Variants in WASL observed in about 807,000 individuals in gnomAD.
The protein encoded by WASL is actin nucleation-promoting factor WASL.
A neutral mutation model predicts 55.5 loss-of-function variants in WASL; 20 were observed. The ratio of observed to expected loss-of-function variants is 0.36; its 90% CI spans 0.25 to 0.52. WASL has a LOEUF of 0.52. WASL is among the 20% of genes least tolerant of loss of function. WASL has a pLI of 0.92. For synonymous variants in WASL, 249 were observed against 217.6 expected (o/e 1.14, Z -1.27); for missense variants, 504 against 622.5 (o/e 0.81, Z 2.03).
chr7:123,734,694 T>C (rs912169206), intron 1 of WASL, among the ~76,000 whole-genome samples: 5 of 151,776 alleles, frequency 3.3e-5, no homozygotes, highest in Non-Finnish European at 7.4e-5. Flanking sequence ...AGTTAAACTA[T>C]TCTGGTATGA....
chr7:123,748,357 G>C (rs947522362), intron 1 of WASL, among the ~76,000 whole-genome samples: 2 of 152,122 alleles, frequency 1.3e-5, no homozygotes, highest in African/African-American at 4.8e-5. Context: ...GCGGGCCGAG[G>C]CCCGGCCAGG....
At chr7:123,743,240 GGGA>G (rs1290483261) in intron 1 of WASL, among the ~76,000 whole-genome samples, 3 of 152,026 alleles carry the variant, frequency 2.0e-5, no homozygotes, top group African/African-American at 7.3e-5. Context: ...GGGAGGCTGA[GGGA>G]GGAGAATAAC....
At position 123,700,503 on chromosome 7, in the gene WASL, C is replaced by T. The variant is rs553660288; in HGVS notation, c.461-3756G>A. On this transcript the variant is annotated intron_variant, in intron 5 of 10. Coordinates refer to ENST00000223023, the MANE Select transcript of WASL (RefSeq NM_003941.4). ...TCGCCCAGGCTGGAGTGCAATGGCG[C>T]CATCTCGGCTCACTGCAACCTTCAC... is the stretch of plus-strand genomic sequence containing the variant. 8.4e-4 allele frequency among the ~76,000 whole-genome samples: 127 copies of T among 151,936 alleles called. 1 individual carries two copies. The highest frequency in any genetic ancestry group is 7.9e-3 in the South Asian group (38 of 4,802).
chr7:123,727,568 G>T (rs761817327), intron 1 of WASL, among the ~76,000 whole-genome samples: 11 of 152,166 alleles, frequency 7.2e-5, no homozygotes, highest in Non-Finnish European at 1.3e-4. Context: ...CGTATATACT[G>T]AGTGAAGAGG....
At chr7:123,741,839 C>T (rs1462691604) in intron 1 of WASL, among the ~76,000 whole-genome samples, 1 of 152,086 alleles carries the variant, frequency 6.6e-6, no homozygotes, top group Non-Finnish European at 1.5e-5. Flanking sequence ...ACAAATAGAA[C>T]CCGGCTCCTC....
At chr7:123,737,324 G>A (rs1430673398) in intron 1 of WASL, among the ~76,000 whole-genome samples, 1 of 152,084 alleles carries the variant, frequency 6.6e-6, no homozygotes, top group Non-Finnish European at 1.5e-5. Context: ...TCAGACAGGC[G>A]CGGTGGCTCA....
chr7:123,725,668 T>A (rs568261146), intron 1 of WASL, among the ~76,000 whole-genome samples: 1 of 152,290 alleles, frequency 6.6e-6, no homozygotes, highest in East Asian at 1.9e-4. Flanking sequence ...AGGAACTAAG[T>A]TCATACATGA....
At chr7:123,740,347 C>A (rs1804318098) in intron 1 of WASL, among the ~76,000 whole-genome samples, 1 of 151,994 alleles carries the variant, frequency 6.6e-6, no homozygotes, top group Non-Finnish European at 1.5e-5. Context: ...TGCATTAACT[C>A]CTATGAGAAA....
chr7:123,703,415 T>C (rs1803621268), intron 5 of WASL, among the ~76,000 whole-genome samples: 4 of 152,220 alleles, frequency 2.6e-5, no homozygotes, highest in Admixed American at 2.6e-4. Context: ...TAGTAGTTGC[T>C]ATTATTGTTG....
In WASL at chr7:123,684,448, C is replaced by A; in HGVS notation, c.*71G>T. ...GTAGAACATTTACATGATAATTTTA[C>A]AGAATCCACAGACAGAAAGTAGTGT... On this transcript the variant is annotated 3_prime_UTR_variant, in exon 11 of 11. Transcript: ENST00000223023. The A allele has an allele frequency of 2.0e-6, 1 of 493,374 alleles. No individual in the cohort carries two copies. Among genetic ancestry groups the A allele is most frequent in the Non-Finnish European group, 3.5e-6 (1 of 282,794 alleles). 30.6% of individuals were successfully genotyped at this position (493,374 alleles called of 1,614,324 possible).
At chr7:123,701,647 T>C (rs1332658129) in intron 5 of WASL, among the ~76,000 whole-genome samples, 2 of 152,212 alleles carry the variant, frequency 1.3e-5, no homozygotes, top group Non-Finnish European at 1.5e-5. Context: ...AATAAGGATC[T>C]GAGACAAAGC....
At chr7:123,737,237 T>C (rs918813682) in intron 1 of WASL, among the ~76,000 whole-genome samples, 3 of 152,212 alleles carry the variant, frequency 2.0e-5, no homozygotes, top group Non-Finnish European at 4.4e-5. Context: ...CTGGGCCACA[T>C]GCAGCCCATG....
At chr7:123,719,540 T>G (rs986040459) in intron 1 of WASL, among the ~76,000 whole-genome samples, 1 of 152,194 alleles carries the variant, frequency 6.6e-6, no homozygotes, top group African/African-American at 2.4e-5. Flanking sequence ...CCAGGACACA[T>G]AGCCCTTCTG....
chr7:123,748,258 G>C (rs569601758), intron 1 of WASL, among the ~76,000 whole-genome samples: 10 of 152,086 alleles, frequency 6.6e-5, no homozygotes, highest in East Asian at 2.0e-4. Context: ...GCGAGAGCTA[G>C]AACAAGGGCC....
At chr7:123,714,501 C>CA (rs1448209822) in intron 1 of WASL, among the ~76,000 whole-genome samples, 1 of 152,176 alleles carries the variant, frequency 6.6e-6, no homozygotes, top group East Asian at 1.9e-4. Flanking sequence ...AGAATCTCAA[C>CA]AGTGAAGAAA....
intron 8 of WASL, 102 bp downstream of exon 8, chr7:123,694,612 CT>C (rs371583425): frequency 3.3e-5 from 40 of 1,222,606 alleles, no homozygotes; most frequent in Non-Finnish European, 4.4e-5. Flanking sequence ...CTTCAACATT[CT>C]GCTCAAGGAA....
chr7:123,733,216 T>C (rs144843651), intron 1 of WASL, among the ~76,000 whole-genome samples: 10 of 152,316 alleles, frequency 6.6e-5, no homozygotes, highest in African/African-American at 2.2e-4. Context: ...AAAACTGTCT[T>C]TGTTTGCAGA....
chr7:123,700,743 T>C (rs1803575738), intron 5 of WASL, among the ~76,000 whole-genome samples: 1 of 152,204 alleles, frequency 6.6e-6, no homozygotes, highest in African/African-American at 2.4e-5. Flanking sequence ...CGGCCAACTA[T>C]TCTACCTCTT....
At chr7:123,719,920 A>G (rs1803909646) in intron 1 of WASL, among the ~76,000 whole-genome samples, 1 of 152,178 alleles carries the variant, frequency 6.6e-6, no homozygotes, top group African/African-American at 2.4e-5. Context: ...TCTGTGACAA[A>G]GGCCTATCCA....
Sources: gnomAD v4.1 joint callset for allele counts (sites outside exome capture counted in the v4.1 genomes callset) on GRCh38, gnomAD v4.1.1 for gene constraint, MANE v1.5 for transcripts, NCBI Gene and HGNC (gene_info 2026-07-23, HGNC 2026-07-21) for gene names.